Variants in SGCZ observed in about 807,000 individuals in gnomAD.
SGCZ encodes zeta-sarcoglycan.
Under a neutral mutation model 41.3 loss-of-function variants are expected in SGCZ, and 40 were observed. That is an observed-to-expected ratio of 0.97 (90% CI 0.75 to 1.26). SGCZ has a LOEUF of 1.26. Among genes scored for constraint, SGCZ ranks in the 50% most tolerant of loss-of-function variants. The pLI is 0.00. For synonymous variants in SGCZ, 206 were observed against 137.5 expected, an observed-to-expected ratio of 1.50 and a Z score of -3.49; for missense variants, 552 against 369.8, an observed-to-expected ratio of 1.49 and a Z score of -4.04.
chr8:14,372,944 G>C (rs969451807), intron 2 of SGCZ, among the ~76,000 whole-genome samples: 1 of 152,132 alleles, frequency 6.6e-6, no homozygotes, highest in Admixed American at 6.5e-5. Context: ...AAGATTTTGA[G>C]CATAGATGTG....
At chr8:14,128,935 C>T (rs754060704) in intron 5 of SGCZ, among the ~76,000 whole-genome samples, 2 of 151,944 alleles carry the variant, frequency 1.3e-5, no homozygotes, top group African/African-American at 2.4e-5. Flanking sequence ...CAAAAGTGGA[C>T]GGTGGAGAGG....
intron 4 of SGCZ, among the ~76,000 whole-genome samples, chr8:14,229,391 G>T (rs909069660): frequency 3.3e-5 from 5 of 151,824 alleles, no homozygotes; most frequent in East Asian, 1.9e-4. Context: ...TTTCTAAAGC[G>T]TGACATCCTT....
chr8:14,159,716 CT>C, intron 5 of SGCZ, among the ~76,000 whole-genome samples: 2 of 152,276 alleles, frequency 1.3e-5, no homozygotes, highest in Admixed American at 1.3e-4. Flanking sequence ...CGGCTCCATC[CT>C]GCTGCCGGAG....
intron 1 of SGCZ, among the ~76,000 whole-genome samples, chr8:14,676,346 A>ATG (rs33909996): frequency 0.17 from 25,282 of 149,318 alleles, 2,579 homozygotes; most frequent in Non-Finnish European, 0.23. Context: ...AATGAAATAG[A>ATG]TGTGTGTGTG....
chr8:14,270,149 T>C (rs770945191), intron 3 of SGCZ, among the ~76,000 whole-genome samples: 1 of 140,066 alleles, frequency 7.1e-6, no homozygotes, highest in African/African-American at 2.5e-5. Context: ...CTGGCCAACA[T>C]GGTGAAACCC....
intron 1 of SGCZ, among the ~76,000 whole-genome samples, chr8:14,741,540 A>G (rs964698236): frequency 2.0e-5 from 3 of 152,114 alleles, no homozygotes; most frequent in African/African-American, 7.2e-5. Flanking sequence ...TAATAAAATA[A>G]GTATTTACAT....
Position 15,085,070 on chromosome 8 carries a change from G to A in SGCZ, c.39+152515C>T, listed in dbSNP as rs868655907. The stretch of plus-strand genomic sequence containing the variant: ...AATTTTATCCTCAAAATAACCCCAG[G>A]AGATCTATGCAGTCAATTATCCTGG... On this transcript the variant is annotated intron_variant, in intron 1 of 7. Transcript: ENST00000382080. Among the ~76,000 whole-genome samples the A allele has an allele frequency of 2.6e-5, 4 of 152,092 alleles. 1 individual carries two copies. The highest frequency in any genetic ancestry group is 4.1e-4 in the South Asian group (2 of 4,830).
chr8:14,551,457 ATATATATTATATATATTATATATT>A (rs1803809923), intron 2 of SGCZ, among the ~76,000 whole-genome samples: 6 of 6,926 alleles, frequency 8.7e-4, no homozygotes, highest in African/African-American at 1.5e-3. Flanking sequence ...TATATATATT[ATATATATTATATATATTATATATT>A]ATATATATTA....
At chr8:15,059,363 A>G (rs192815810) in intron 1 of SGCZ, among the ~76,000 whole-genome samples, 3 of 152,318 alleles carry the variant, frequency 2.0e-5, no homozygotes, top group African/African-American at 7.2e-5. Context: ...GGCACTTGTT[A>G]AAAGAGCGGA....
intron 1 of SGCZ, among the ~76,000 whole-genome samples, chr8:14,850,586 G>T (rs1287193018): frequency 6.6e-6 from 1 of 152,054 alleles, no homozygotes; most frequent in East Asian, 1.9e-4. Context: ...CATAGAATAG[G>T]AACTAAAATA....
intron 1 of SGCZ, among the ~76,000 whole-genome samples, chr8:14,776,951 T>G (rs897216933): frequency 2.0e-5 from 3 of 152,208 alleles, no homozygotes; most frequent in Admixed American, 6.5e-5. Flanking sequence ...GACAATGGAA[T>G]AAAATACAAT....
At chr8:14,664,494 A>C (rs1385911642) in intron 1 of SGCZ, among the ~76,000 whole-genome samples, 2 of 152,198 alleles carry the variant, frequency 1.3e-5, no homozygotes, top group Admixed American at 6.5e-5. Flanking sequence ...GAATAGAAAA[A>C]GATATGTGAT....
At chr8:14,430,569 C>G (rs1481332751) in intron 2 of SGCZ, among the ~76,000 whole-genome samples, 1 of 152,054 alleles carries the variant, frequency 6.6e-6, no homozygotes, top group Non-Finnish European at 1.5e-5. Context: ...CCCCGTATAA[C>G]AAACCCACGG....
intron 2 of SGCZ, among the ~76,000 whole-genome samples, chr8:14,366,024 G>C (rs1380242339): frequency 1.3e-5 from 2 of 151,788 alleles, no homozygotes; most frequent in Admixed American, 1.3e-4. Flanking sequence ...TTTGAAATTT[G>C]ATAAACTTTG....
chr8:14,764,237 C>T (rs1483962218), intron 1 of SGCZ, among the ~76,000 whole-genome samples: 1 of 152,256 alleles, frequency 6.6e-6, no homozygotes, highest in East Asian at 1.9e-4. Context: ...TATGTTAGAA[C>T]TTTTAAAATC....
chr8:14,295,560 T>C (rs991731398), intron 3 of SGCZ, among the ~76,000 whole-genome samples: 7 of 152,176 alleles, frequency 4.6e-5, no homozygotes, highest in Non-Finnish European at 1.0e-4. Context: ...CTAGTTTTCA[T>C]GGAGTAAGTA....
intron 1 of SGCZ, among the ~76,000 whole-genome samples, chr8:14,771,893 T>C (rs1405740336): frequency 6.6e-6 from 1 of 152,180 alleles, no homozygotes; most frequent in Non-Finnish European, 1.5e-5. Flanking sequence ...TCAATTTCAA[T>C]AAAAATGTTT....
chr8:15,017,389 C>G (rs1423338707), intron 1 of SGCZ, among the ~76,000 whole-genome samples: 1 of 152,158 alleles, frequency 6.6e-6, no homozygotes, highest in Non-Finnish European at 1.5e-5. Context: ...CACAGTGGAC[C>G]TTGGTTGAGC....
intron 1 of SGCZ, among the ~76,000 whole-genome samples, chr8:15,166,637 G>A (rs1221186017): frequency 6.6e-6 from 1 of 152,118 alleles, no homozygotes; most frequent in African/African-American, 2.4e-5. Flanking sequence ...TCTAATGTCT[G>A]AGTATATGCT....
Sources: allele counts gnomAD v4.1 joint callset (sites outside exome capture counted in the v4.1 genomes callset), GRCh38; gene constraint gnomAD v4.1.1; transcripts MANE v1.5; gene names NCBI Gene and HGNC (gene_info 2026-07-23, HGNC 2026-07-21).